GRM5: variants seen among roughly 807,000 people sequenced by gnomAD.
GRM5 encodes the protein metabotropic glutamate receptor 5.
GRM5 carries 19 observed loss-of-function variants against 83.1 expected under a neutral mutation model. The observed-to-expected ratio is 0.23, with a 90% CI of 0.16 to 0.34. The LOEUF (loss-of-function observed/expected upper bound fraction) is 0.34. GRM5 is among the 10% of genes least tolerant of loss of function. The pLI, the probability that GRM5 is intolerant of heterozygous loss-of-function variation, is 1.00. For missense variants in GRM5, 1,160 were observed against 1,588.3 expected, an observed-to-expected ratio of 0.73 and a Z score of 4.58; for synonymous variants, 675 against 633.6, an observed-to-expected ratio of 1.07 and a Z score of -0.98.
rs146572128 is a variant in GRM5, at chr11:88,797,386, C to T, written c.911+52520G>A. Among the ~76,000 whole-genome samples the T allele has an allele frequency of 3.2e-4, 49 of 152,214 alleles. No homozygotes were observed. The East Asian group carries it at 4.1e-3, about 13-fold the overall frequency. On this transcript the variant is annotated intron_variant, in intron 3 of 9. Transcript: ENST00000305447. Reference sequence around the variant, plus strand: ...TGAACTCCTGACCTCCTGATCCATCCGCCTCGGCCTCCCAAAGTGCTGGGA... The same window carrying T: ...TGAACTCCTGACCTCCTGATCCATCTGCCTCGGCCTCCCAAAGTGCTGGGA...
intron 2 of GRM5, among the ~76,000 whole-genome samples, chr11:88,917,576 G>T (rs1461252762): frequency 6.6e-6 from 1 of 152,072 alleles, no homozygotes; most frequent in African/African-American, 2.4e-5. Context: ...GAAACGCAAT[G>T]AAATTCAGGA....
intron 2 of GRM5, among the ~76,000 whole-genome samples, chr11:88,852,628 T>A (rs1307251051): frequency 6.6e-6 from 1 of 152,076 alleles, no homozygotes; most frequent in Non-Finnish European, 1.5e-5. Flanking sequence ...AGGGGGTATA[T>A]GAAAAATTTT....
intron 3 of GRM5, among the ~76,000 whole-genome samples, chr11:88,671,031 T>C (rs1430953087): frequency 4.6e-5 from 7 of 152,082 alleles, no homozygotes; most frequent in Non-Finnish European, 1.0e-4. Flanking sequence ...AGCATCGCCA[T>C]CTTGGACAAG....
intron 3 of GRM5, among the ~76,000 whole-genome samples, chr11:88,743,384 T>C (rs1942068195): frequency 6.6e-6 from 1 of 152,172 alleles, no homozygotes; most frequent in South Asian, 2.1e-4. Context: ...GAGCAGATGA[T>C]ATTTTCATAA....
At chr11:88,909,580 T>G (rs1192238613) in intron 2 of GRM5, among the ~76,000 whole-genome samples, 2 of 149,076 alleles carry the variant, frequency 1.3e-5, no homozygotes, top group Non-Finnish European at 3.0e-5. Flanking sequence ...ACATTTTCTA[T>G]TTTCATCTCT....
chr11:88,762,050 T>C (rs1942528835), intron 3 of GRM5, among the ~76,000 whole-genome samples: 1 of 152,220 alleles, frequency 6.6e-6, no homozygotes, highest in Non-Finnish European at 1.5e-5. Context: ...CAACTCAAGA[T>C]GGATTAAATA....
chr11:89,015,393 T>C (rs1591049633), intron 2 of GRM5, among the ~76,000 whole-genome samples: 1 of 152,212 alleles, frequency 6.6e-6, no homozygotes, highest in African/African-American at 2.4e-5. Context: ...GTTGGCTGGC[T>C]GTTTTATTGG....
intron 3 of GRM5, among the ~76,000 whole-genome samples, chr11:88,829,853 A>C (rs1397825201): frequency 1.3e-5 from 2 of 152,124 alleles, no homozygotes; most frequent in African/African-American, 4.8e-5. Context: ...ATTATGTACA[A>C]GCAAAAAACG....
chr11:88,834,951 C>T (rs886921953), intron 3 of GRM5, among the ~76,000 whole-genome samples: 2 of 151,930 alleles, frequency 1.3e-5, no homozygotes, highest in East Asian at 1.9e-4. Flanking sequence ...TGAAGAGAAC[C>T]GTTTTTCTGC....
At chr11:88,917,803 C>CA (rs1041344543) in intron 2 of GRM5, among the ~76,000 whole-genome samples, 7 of 150,620 alleles carry the variant, frequency 4.6e-5, no homozygotes, top group Admixed American at 2.6e-4. Flanking sequence ...AAAGCAATAA[C>CA]AAAAAAAATG....
rs969490697 is a variant in GRM5 at position 88,701,482 on chromosome 11, C to T, written c.912-48079G>A. ...CCGGAGAGGATAACAATAGCAACAG[C>T]TGAGGACTCAAGGTCAGCTTCAGAG... On this transcript the variant is annotated intron_variant, in intron 3 of 9. Coordinates refer to ENST00000305447, the MANE Select transcript of GRM5 (RefSeq NM_001143831.3). Among the ~76,000 whole-genome samples, 13 of 152,202 alleles carry T rather than the reference C, an allele frequency of 8.5e-5. No individual in the cohort carries two copies. In the East Asian group the frequency reaches 2.5e-3, roughly 29 times the overall value.
intron 2 of GRM5, among the ~76,000 whole-genome samples, chr11:88,923,657 T>C (rs1339384085): frequency 2.0e-5 from 3 of 152,078 alleles, no homozygotes; most frequent in Admixed American, 2.0e-4. Flanking sequence ...GTGACTACAC[T>C]CAACAATTTA....
rs776624934 is a variant in GRM5, at chr11:88,508,653, G to A, written c.3578C>T (p.Ser1193Leu). The A allele has an allele frequency of 1.2e-6, 2 of 1,609,832 alleles. No homozygotes were observed. The highest frequency in any genetic ancestry group is 1.7e-5 in the Admixed American group (1 of 59,848). ...PVSESALCIPSSPKYDTLIIR... is the reference protein window; with the variant it reads ...PVSESALCIPLSPKYDTLIIR... ...GATAAGAGTGTCATATTTGGGAGAC[G>A]ACGGGATACAGAGGGCCGACTCGGA... Residue 1193 changes from serine to leucine, a missense_variant, in exon 10 of 10, where the codon TCG becomes TTG. By Grantham distance (145) the Ser-to-Leu change is moderately radical. Around this residue, in one of 9 missense-constraint regions of GRM5, gnomAD observed 562 missense variants for 532.4 expected, o/e 1.06. Coordinates refer to ENST00000305447, the MANE Select transcript of GRM5 (RefSeq NM_001143831.3). This position sits in a 1 kb window ranked among gnomAD's most constrained non-coding sequence, Gnocchi z 4.2.
chr11:88,664,588 G>A (rs906973137), intron 3 of GRM5, among the ~76,000 whole-genome samples: 26 of 151,668 alleles, frequency 1.7e-4, no homozygotes, highest in South Asian at 1.2e-3. Context: ...CAGGGACTAC[G>A]GGTGTGCACC....
chr11:88,857,884 T>A (rs1052558338), intron 2 of GRM5, among the ~76,000 whole-genome samples: 1 of 152,072 alleles, frequency 6.6e-6, no homozygotes, highest in African/African-American at 2.4e-5. Context: ...TAATTGAGAT[T>A]TAGGTGTTTA....
intron 4 of GRM5, among the ~76,000 whole-genome samples, chr11:88,607,682 T>C (rs1346693255): frequency 2.0e-5 from 3 of 152,240 alleles, no homozygotes; most frequent in African/African-American, 7.2e-5. Context: ...AATCTCTTAA[T>C]ACTCTTCTCG....
intron 3 of GRM5, among the ~76,000 whole-genome samples, chr11:88,693,337 C>T (rs1215800018): frequency 6.6e-6 from 1 of 151,996 alleles, no homozygotes; most frequent in Admixed American, 6.6e-5. Flanking sequence ...TATGGAAATA[C>T]AAAGTAGTGA....
chr11:88,519,847 T>C (rs1255232175), intron 9 of GRM5, among the ~76,000 whole-genome samples: 2 of 152,200 alleles, frequency 1.3e-5, no homozygotes, highest in African/African-American at 4.8e-5. Context: ...ATGCCTATTG[T>C]GTGTCAGGCA....
intron 3 of GRM5, among the ~76,000 whole-genome samples, chr11:88,746,283 A>C (rs1432658374): frequency 6.6e-6 from 1 of 152,108 alleles, no homozygotes; most frequent in Non-Finnish European, 1.5e-5. Flanking sequence ...TTTCCTCTGA[A>C]ATATATATAG....
Sources: gnomAD v4.1 joint callset for allele counts (sites outside exome capture counted in the v4.1 genomes callset) on GRCh38, gnomAD v4.1.1 for gene constraint, gnomAD v4.1.1 regional missense constraint, Gnocchi (gnomAD v3.1) non-coding constraint, MANE v1.5 for transcripts, NCBI Gene and HGNC (gene_info 2026-07-23, HGNC 2026-07-21) for gene names.